PES1: variants seen among roughly 807,000 people sequenced by gnomAD.
The protein encoded by PES1 is pescadillo ribosomal biogenesis factor 1, also known as pescadillo homolog.
PES1 carries 31 observed loss-of-function variants against 77.1 expected under a neutral mutation model. The ratio of observed to expected loss-of-function variants is 0.40; its 90% CI spans 0.30 to 0.54. PES1 has a LOEUF of 0.54. PES1 is among the 20% of genes least tolerant of loss of function. The pLI, the probability that PES1 is intolerant of heterozygous loss-of-function variation, is 0.45. For synonymous variants in PES1, 282 were observed against 303.0 expected (o/e 0.93, Z 0.72); for missense variants, 658 against 771.7 (o/e 0.85, Z 1.75).
In PES1 at chr22:30,581,690, G is replaced by C. The variant is rs768879771; in HGVS notation, c.631-46C>G. On this transcript the variant is annotated intron_variant, in intron 6 of 14. Transcript: ENST00000354694. ...ATGAGCAGTGTGGGTGCAGGGATGG[G>C]GGCAAAGGAGGGACAGACAACCCAC... 1.0e-5 allele frequency: 13 copies of C among 1,293,814 alleles called. No individual in the cohort carries two copies. The Admixed American group carries it at 2.0e-4, about 20-fold the overall frequency. 80.1% of individuals were successfully genotyped at this position (1,293,814 alleles called of 1,614,324 possible).
chr22:30,585,995 T>C (rs2087082502), intron 4 of PES1, among the ~76,000 whole-genome samples: 1 of 152,150 alleles, frequency 6.6e-6, no homozygotes, highest in Non-Finnish European at 1.5e-5. Context: ...TTCCTCACTC[T>C]CCACCTCACA....
chr22:30,603,784 C>T (rs963076216), intron 2 of PES1: 3 of 152,186 alleles, frequency 2.0e-5, no homozygotes, highest in Non-Finnish European at 4.4e-5. Context: ...CTCATGCCAT[C>T]TTCATGCATA....
At chr22:30,606,909 C>T (rs2087458695) in exon 1 of PES1, 1 of 1,064,256 alleles carries the variant, frequency 9.4e-7, no homozygotes. Context: ...GGCACCCGGT[C>T]CTGCCAATCC....
chr22:30,599,429 CTA>C (rs1363556783), intron 2 of PES1, among the ~76,000 whole-genome samples: 1 of 152,022 alleles, frequency 6.6e-6, no homozygotes, highest in African/African-American at 2.4e-5. Context: ...ATAAATATGA[CTA>C]ATTTAATATA....
chr22:30,592,595 G>A (rs1473941116), upstream of PES1, among the ~76,000 whole-genome samples: 2 of 152,144 alleles, frequency 1.3e-5, no homozygotes, highest in Admixed American at 6.5e-5. Flanking sequence ...TCAGGAGTTC[G>A]AGACCAGTGT....
chr22:30,583,994 C>T (rs765394813), intron 6 of PES1, among the ~76,000 whole-genome samples: 5 of 152,250 alleles, frequency 3.3e-5, no homozygotes, highest in Admixed American at 2.0e-4. Flanking sequence ...CCACTGTCCC[C>T]GTGGTGGCAC....
At chr22:30,595,538 C>CAA (rs377364940), upstream of PES1, among the ~76,000 whole-genome samples, 104 of 80,338 alleles carry the variant, frequency 1.3e-3, no homozygotes, top group Middle Eastern at 8.2e-3. Context: ...GACAGTGTCT[C>CAA]AAAAAAAAAA....
intron 1 of PES1, among the ~76,000 whole-genome samples, chr22:30,589,778 C>A (rs563309757): frequency 8.0e-4 from 121 of 151,320 alleles, no homozygotes; most frequent in South Asian, 2.1e-3. Flanking sequence ...TGTTCCTAAT[C>A]TTTTCCCCTT....
At position 30,586,138 on chromosome 22, in the gene PES1, AC is replaced by A. The variant is rs978755336; in HGVS notation, c.368+1147del. Among the ~76,000 whole-genome samples, 22 of 152,182 alleles carry A rather than the reference AC, an allele frequency of 1.4e-4. 4 individuals carry two copies. Among genetic ancestry groups the A allele is most frequent in the Admixed American group, 1.3e-3 (20 of 15,276 alleles). On this transcript the variant is annotated intron_variant, in intron 4 of 14. Transcript: ENST00000354694. The stretch of plus-strand genomic sequence containing the variant: ...AGTATGAGATCACCACAACCACATC[AC>A]CACACTTGGTGTGTGTATGAATCCA...
At chr22:30,586,176 T>C (rs2087086108) in intron 4 of PES1, among the ~76,000 whole-genome samples, 1 of 152,232 alleles carries the variant, frequency 6.6e-6, no homozygotes, top group African/African-American at 2.4e-5. Flanking sequence ...GCACTTGCTT[T>C]TCGTGTGTGG....
chr22:30,598,702 T>A (rs2087304132), intron 2 of PES1, among the ~76,000 whole-genome samples: 1 of 152,040 alleles, frequency 6.6e-6, no homozygotes, highest in African/African-American at 2.4e-5. Context: ...GTGTTAGGGT[T>A]ACAGGCATGA....
Position 30,580,644 on chromosome 22 carries a change from T to C in PES1, c.970A>G (p.Lys324Glu), listed in dbSNP as rs1172636704. ...AACTTCAGGCCCTCAAAAAGCTTCT[T>C]GTGCTTCTCCTGCGCCTCCAGCTCC... Reference protein sequence around the residue: ...RKELEAQEKHKKLFEGLKFFL... With the variant: ...RKELEAQEKHEKLFEGLKFFL... The change falls in exon 10 of 15, where the codon AAG becomes GAG. Residue 324 changes from lysine (K) to glutamate (E), a missense_variant. By Grantham distance (56) the Lys-to-Glu change is moderately conservative. Coordinates refer to ENST00000354694, the MANE Select transcript of PES1 (RefSeq NM_014303.4). 1.2e-6 allele frequency: 2 copies of C among 1,613,714 alleles called. No individual in the cohort carries two copies. The highest frequency in any genetic ancestry group is 1.7e-6 in the Non-Finnish European group (2 of 1,180,008).
At position 30,578,842 on chromosome 22, in the gene PES1, G is replaced by A. The variant is rs2086938645; in HGVS notation, c.1678C>T (p.Arg560Ter). 8 of 1,612,264 alleles carry A rather than the reference G, an allele frequency of 5.0e-6. No individual in the cohort carries two copies. The highest frequency in any genetic ancestry group is 1.3e-5 in the African/African-American group (1 of 75,000). ...AGTGGGTGGCAAGAACTCACCTCTC[G>A]GATTTTTCGCCTCTTGCCAAACATG... ...KIMFGKRRKI[R>*]EANKLAEKRK... is the part of the protein sequence containing the mutation. Residue 560 changes from arginine (R) to a stop codon, truncating the protein, a stop_gained, in exon 14 of 15, where the codon CGA becomes TGA. Transcript: ENST00000354694. LOFTEE classifies it high-confidence loss of function.
chr22:30,580,215 C>T, intron 10 of PES1, 37 bp from the exon 11 acceptor site: 3 of 1,580,742 alleles, frequency 1.9e-6, no homozygotes, highest in Non-Finnish European at 2.6e-6. Context: ...GGTACACAGA[C>T]ATGAGCTGCC....
At chr22:30,600,867 CTT>C (rs2087344307) in intron 2 of PES1, among the ~76,000 whole-genome samples, 1 of 152,148 alleles carries the variant, frequency 6.6e-6, no homozygotes, top group Non-Finnish European at 1.5e-5. Flanking sequence ...ATGGTTCTGT[CTT>C]GACATCTTTT....
At chr22:30,592,295 A>C, upstream of PES1, 1 of 993,290 alleles carries the variant, frequency 1.0e-6, no homozygotes, top group Non-Finnish European at 1.2e-6. Flanking sequence ...GCGTCGTCAG[A>C]CTTCGGCTGC....
In PES1 at chr22:30,605,373, CA is replaced by C. The variant is rs199792056; in HGVS notation, c.-661+87del. 4.1e-4 allele frequency: 301 copies of C among 727,348 alleles called. 1 individual carries two copies. In the African/African-American group the frequency reaches 5.4e-3, roughly 13 times the overall value. The allele number at this position is 727,348 out of a possible 1,614,324, so 45.1% of individuals were successfully genotyped here. ...CTAGCACTGAGTCCAGGTAGGTAGG[CA>C]GGGGGGTGTCTCCCTCCTTTACTTC... On this transcript the variant is annotated intron_variant, in intron 2 of 16. Transcript: ENST00000402281.
intron 1 of PES1, among the ~76,000 whole-genome samples, chr22:30,589,756 T>C (rs1397959176): frequency 6.6e-6 from 1 of 150,960 alleles, no homozygotes; most frequent in African/African-American, 2.5e-5. Context: ...GAATGCCTAA[T>C]AGCTAAGCCA....
chr22:30,578,779 C>CCT, intron 14 of PES1, 58 bp downstream of exon 14: 2 of 1,574,556 alleles, frequency 1.3e-6, no homozygotes, highest in South Asian at 2.3e-5. Flanking sequence ...CATAAGTTCA[C>CCT]CTGTGCAGTT....
Sources: allele counts gnomAD v4.1 joint callset (sites outside exome capture counted in the v4.1 genomes callset), GRCh38; gene constraint gnomAD v4.1.1; transcripts MANE v1.5; gene names NCBI Gene and HGNC (gene_info 2026-07-23, HGNC 2026-07-21).